Variants in FBXL17 observed in about 807,000 individuals in gnomAD.
FBXL17 encodes F-box/LRR-repeat protein 17.
In FBXL17, 22 loss-of-function variants were observed where a neutral mutation model predicts 66.2. The observed-to-expected ratio is 0.33, with a 90% CI of 0.24 to 0.47. The LOEUF is 0.47. Ranked by LOEUF, FBXL17 falls within the 20% of genes least tolerant of loss-of-function variation. The probability of loss-of-function intolerance (pLI) is 1.00; values close to 1 mark genes in which losing one functional copy is unlikely to be tolerated. For synonymous variants in FBXL17, 474 were observed against 400.5 expected (o/e 1.18, Z -2.19); for missense variants, 878 against 948.2 (o/e 0.93, Z 0.97).
intron 5 of FBXL17, among the ~76,000 whole-genome samples, chr5:108,210,640 G>A (rs554933695): frequency 7.9e-5 from 12 of 152,132 alleles, no homozygotes; most frequent in Middle Eastern, 6.8e-3. Context: ...TCTCTTAATC[G>A]TGAGTTCTAA....
chr5:108,152,442 G>C (rs1751808627), intron 6 of FBXL17, among the ~76,000 whole-genome samples: 1 of 151,932 alleles, frequency 6.6e-6, no homozygotes, highest in African/African-American at 2.4e-5. Context: ...TTTTTCATTT[G>C]GTACAAAATA....
chr5:108,032,388 C>T (rs904005844), intron 6 of FBXL17, among the ~76,000 whole-genome samples: 1 of 152,032 alleles, frequency 6.6e-6, no homozygotes, highest in African/African-American at 2.4e-5. Flanking sequence ...AACGGTGACC[C>T]CCAAGGACAT....
At chr5:107,994,222 T>C (rs1317314848) in intron 7 of FBXL17, among the ~76,000 whole-genome samples, 1 of 152,190 alleles carries the variant, frequency 6.6e-6, no homozygotes, top group Non-Finnish European at 1.5e-5. Context: ...ATCGCAAATA[T>C]TGATTTTAAA....
intron 8 of FBXL17, among the ~76,000 whole-genome samples, chr5:107,863,662 C>T (rs1748196483): frequency 6.6e-6 from 1 of 152,180 alleles, no homozygotes; most frequent in African/African-American, 2.4e-5. Flanking sequence ...TAAGAACTAT[C>T]ATGAGCCAGG....
intron 6 of FBXL17, among the ~76,000 whole-genome samples, chr5:108,125,478 C>T (rs1157249707): frequency 6.6e-6 from 1 of 152,018 alleles, no homozygotes; most frequent in African/African-American, 2.4e-5. Context: ...ATGGTTAACA[C>T]TTGTATCAGC....
At chr5:108,099,561 G>C (rs1580439540) in intron 6 of FBXL17, among the ~76,000 whole-genome samples, 1 of 152,094 alleles carries the variant, frequency 6.6e-6, no homozygotes, top group Non-Finnish European at 1.5e-5. Flanking sequence ...AGAGTGTTTT[G>C]GGTAGAGAAG....
chr5:108,374,141 G>C (rs1015176578), intron 1 of FBXL17, among the ~76,000 whole-genome samples: 1 of 152,162 alleles, frequency 6.6e-6, no homozygotes, highest in Non-Finnish European at 1.5e-5. Context: ...ATAATGGATA[G>C]AACAACCAGA....
rs547822309 is a variant in FBXL17, at chr5:108,136,117, A to G, written c.1745+50000T>C. ...TTGTCATCTGAAAATATGAATATGT[A>G]TATAAGTATGCTGTTTATATGTAAA... On this transcript the variant is annotated intron_variant, in intron 6 of 8. Transcript: ENST00000542267. Among the ~76,000 whole-genome samples the G allele has an allele frequency of 3.9e-4, 60 of 152,284 alleles. No homozygotes were observed. In the East Asian group the frequency reaches 5.0e-3, roughly 13 times the overall value.
chr5:107,879,501 G>A (rs917013766), intron 8 of FBXL17: 1 of 985,286 alleles, frequency 1.0e-6, no homozygotes, highest in African/African-American at 1.7e-5. Flanking sequence ...TCGCTTCTGG[G>A]CTGGGCTGAG....
At chr5:108,221,641 CTTGA>C (rs1226611870) in intron 5 of FBXL17, among the ~76,000 whole-genome samples, 1 of 152,086 alleles carries the variant, frequency 6.6e-6, no homozygotes, top group African/African-American at 2.4e-5. Context: ...CTCACATCCT[CTTGA>C]TTATTTATTA....
chr5:108,143,265 T>A (rs1055727710), intron 6 of FBXL17, among the ~76,000 whole-genome samples: 1 of 151,706 alleles, frequency 6.6e-6, no homozygotes, highest in Non-Finnish European at 1.5e-5. Context: ...GATCCCACCA[T>A]GCAAAATTAT....
intron 4 of FBXL17, among the ~76,000 whole-genome samples, chr5:108,300,447 A>AT (rs1475358320): frequency 6.6e-6 from 1 of 151,892 alleles, no homozygotes; most frequent in African/African-American, 2.4e-5. Flanking sequence ...AGAAATAAAT[A>AT]TAATAGTTGT....
At chr5:107,940,844 T>G (rs951589859) in intron 7 of FBXL17, among the ~76,000 whole-genome samples, 1 of 152,138 alleles carries the variant, frequency 6.6e-6, no homozygotes, top group East Asian at 1.9e-4. Flanking sequence ...AAAGAAATAC[T>G]GGGGGCCTGA....
intron 4 of FBXL17, among the ~76,000 whole-genome samples, chr5:108,304,844 G>A (rs921737296): frequency 5.9e-5 from 9 of 151,724 alleles, no homozygotes; most frequent in African/African-American, 1.5e-4. Flanking sequence ...CCCTACCTAC[G>A]GAAAGGAAGA....
chr5:107,940,239 T>A (rs1279873689), intron 7 of FBXL17, among the ~76,000 whole-genome samples: 2 of 130,840 alleles, frequency 1.5e-5, no homozygotes, highest in Non-Finnish European at 3.4e-5. Context: ...TTAGAATAAA[T>A]TTTATTCATT....
At chr5:108,113,693 A>G (rs1750129690) in intron 6 of FBXL17, among the ~76,000 whole-genome samples, 1 of 152,148 alleles carries the variant, frequency 6.6e-6, no homozygotes, top group South Asian at 2.1e-4. Flanking sequence ...AAAAATGTCC[A>G]ATTTTAGGTA....
rs200333391 is a variant in FBXL17 at position 108,378,334 on chromosome 5, T to TTTG, written c.993+2364_993+2365insCAA. 4.5e-3 allele frequency among the ~76,000 whole-genome samples: 608 copies of TTTG among 135,126 alleles called. 8 individuals carry two copies. The highest frequency in any genetic ancestry group is 0.015 in the African/African-American group (579 of 38,022). 88.6% of individuals were successfully genotyped at this position (135,126 alleles called of 152,430 possible). ...CTACCTGCCTCGTTTTTGTTTTTTG[T>TTTG]TTTTTTGTTTTGTTTTGTTTTGTTT... On this transcript the variant is annotated intron_variant, in intron 1 of 8. Coordinates refer to ENST00000542267, the MANE Select transcript of FBXL17 (RefSeq NM_001163315.3).
At position 108,063,100 on chromosome 5, in the gene FBXL17, T is replaced by G. The variant is rs182485470; in HGVS notation, c.1746-42099A>C. On this transcript the variant is annotated intron_variant, in intron 6 of 8. Transcript: ENST00000542267. ...TTTTCACTTATGTCAAGAAGTAGTT[T>G]ATACCCAAGCATGTGTTTTTCTTTT... Among the ~76,000 whole-genome samples, 413 of 152,324 alleles carry G rather than the reference T, an allele frequency of 2.7e-3. 2 individuals carry two copies. Among genetic ancestry groups the G allele is most frequent in the African/African-American group, 9.0e-3 (374 of 41,568 alleles).
chr5:107,875,874 G>A (rs747453467), intron 8 of FBXL17, among the ~76,000 whole-genome samples: 1 of 152,236 alleles, frequency 6.6e-6, no homozygotes, highest in Non-Finnish European at 1.5e-5. Context: ...TCCCTGGCCT[G>A]AAGGCAGCTG....
Sources: allele counts gnomAD v4.1 joint callset (sites outside exome capture counted in the v4.1 genomes callset), GRCh38; gene constraint gnomAD v4.1.1; transcripts MANE v1.5; gene names NCBI Gene and HGNC (gene_info 2026-07-23, HGNC 2026-07-21).